The following WWOX variants were observed in gnomAD, a reference collection of about 807,000 sequenced individuals.
The protein encoded by WWOX is WW domain containing oxidoreductase, also known as WW domain-containing oxidoreductase.
A neutral mutation model predicts 46.2 loss-of-function variants in WWOX; 69 were observed. The observed-to-expected ratio is 1.49, with a 90% CI of 1.23 to 1.82. The LOEUF (loss-of-function observed/expected upper bound fraction) is 1.82. WWOX is among the 40% of genes most tolerant of loss of function. The probability of loss-of-function intolerance (pLI) is 0.00; values close to 1 mark genes in which losing one functional copy is unlikely to be tolerated. For missense variants in WWOX, 919 were observed against 542.6 expected (o/e 1.69, Z -6.89); for synonymous variants, 359 against 202.6 (o/e 1.77, Z -6.56).
chr16:78,740,752 T>C (rs1352561704), intron 8 of WWOX, among the ~76,000 whole-genome samples: 1 of 152,124 alleles, frequency 6.6e-6, no homozygotes, highest in Non-Finnish European at 1.5e-5. Flanking sequence ...CAAATGCAGG[T>C]CCACCCTGGT....
At chr16:78,357,602 A>C (rs1015554331) in intron 5 of WWOX, among the ~76,000 whole-genome samples, 13 of 152,194 alleles carry the variant, frequency 8.5e-5, no homozygotes, top group African/African-American at 2.7e-4. Context: ...TTCTATGCTA[A>C]ACATTTCCAT....
intron 8 of WWOX, among the ~76,000 whole-genome samples, chr16:78,578,543 C>T (rs893869171): frequency 2.6e-5 from 4 of 151,728 alleles, no homozygotes; most frequent in Non-Finnish European, 4.4e-5. Context: ...CTGCCTTGGC[C>T]TCCCAAAGTG....
At chr16:78,665,375 T>G (rs1230256510) in intron 8 of WWOX, among the ~76,000 whole-genome samples, 1 of 152,214 alleles carries the variant, frequency 6.6e-6, no homozygotes, top group Non-Finnish European at 1.5e-5. Context: ...AACTATTAAA[T>G]AATTGAATTA....
chr16:78,497,673 C>G (rs755760062), intron 8 of WWOX, among the ~76,000 whole-genome samples: 10 of 152,114 alleles, frequency 6.6e-5, no homozygotes, highest in Non-Finnish European at 1.0e-4. Flanking sequence ...TGAATAAATA[C>G]TTGTTTGATT....
chr16:78,184,097 A>C (rs1171789873), intron 5 of WWOX, among the ~76,000 whole-genome samples: 2 of 152,116 alleles, frequency 1.3e-5, no homozygotes, highest in African/African-American at 2.4e-5. Context: ...CTCGGTGCTC[A>C]CGGTAATGCT....
At chr16:78,963,470 A>G (rs1484480643) in intron 8 of WWOX, among the ~76,000 whole-genome samples, 1 of 152,216 alleles carries the variant, frequency 6.6e-6, no homozygotes, top group African/African-American at 2.4e-5. Flanking sequence ...CCCGTCTCAG[A>G]AACAAAAACA....
At chr16:78,877,298 G>A (rs137876767) in intron 8 of WWOX, among the ~76,000 whole-genome samples, 1,690 of 143,712 alleles carry the variant, frequency 0.012, 23 homozygotes, top group Middle Eastern at 0.027. Context: ...TGACCCGCCT[G>A]CCTCCCCCCT....
At chr16:78,308,646 C>A (rs1490303305) in intron 5 of WWOX, among the ~76,000 whole-genome samples, 1 of 152,156 alleles carries the variant, frequency 6.6e-6, no homozygotes, top group African/African-American at 2.4e-5. Flanking sequence ...CTTTCCAGGT[C>A]TTTTCCTGAT....
chr16:79,069,655 T>A (rs1377491658), intron 8 of WWOX, among the ~76,000 whole-genome samples: 6 of 149,628 alleles, frequency 4.0e-5, no homozygotes, highest in African/African-American at 9.9e-5. Flanking sequence ...TGAAAAAAAA[T>A]AAAGAAAACA....
Position 78,387,993 on chromosome 16 carries a change from A to G in WWOX, c.605+1045A>G, listed in dbSNP as rs781677988. Among the ~76,000 whole-genome samples the G allele has an allele frequency of 8.6e-4, 131 of 152,128 alleles. 1 individual carries two copies. The highest frequency in any genetic ancestry group is 3.4e-3 in the Middle Eastern group (1 of 294). The stretch of plus-strand genomic sequence containing the variant: ...AAGGATGTGAGGGAAGGGATCTTAA[A>G]CCAGATATTCAAATGGCCCTGTGGG... On this transcript the variant is annotated intron_variant, in intron 6 of 8. Transcript: ENST00000566780.
At chr16:79,178,893 C>T (rs1433374527) in intron 8 of WWOX, among the ~76,000 whole-genome samples, 1 of 152,086 alleles carries the variant, frequency 6.6e-6, no homozygotes, top group African/African-American at 2.4e-5. Flanking sequence ...TTCATGGTGG[C>T]ACAGAGAGCT....
At chr16:79,149,726 G>T (rs116696417) in intron 8 of WWOX, among the ~76,000 whole-genome samples, 1,887 of 152,288 alleles carry the variant, frequency 0.012, 41 homozygotes, top group African/African-American at 0.042. Flanking sequence ...CTACATTTAG[G>T]ACCGCAGCCA....
chr16:78,378,121 G>GC (rs1367382647), intron 5 of WWOX, among the ~76,000 whole-genome samples: 1 of 151,024 alleles, frequency 6.6e-6, no homozygotes, highest in African/African-American at 2.4e-5. Context: ...CCCCCGCCCT[G>GC]CCCCCTGCCT....
chr16:78,718,149 T>C (rs1239217127), intron 8 of WWOX, among the ~76,000 whole-genome samples: 3 of 151,628 alleles, frequency 2.0e-5, no homozygotes, highest in African/African-American at 4.9e-5. Context: ...TGCATGTTTA[T>C]AGTATCTCTT....
intron 1 of WWOX, among the ~76,000 whole-genome samples, chr16:78,105,183 C>T (rs1211660961): frequency 3.3e-5 from 5 of 152,100 alleles, no homozygotes; most frequent in Non-Finnish European, 7.4e-5. Context: ...TGATGCAGGC[C>T]GGGTGCAGTG....
intron 8 of WWOX, among the ~76,000 whole-genome samples, chr16:78,578,277 TATATATA>T (rs202074287): frequency 1.3e-4 from 6 of 45,552 alleles, no homozygotes; most frequent in Admixed American, 2.6e-4. Flanking sequence ...TATATATATA[TATATATA>T]TTTTTTTTTT....
At chr16:78,673,934 G>A (rs1182642026) in intron 8 of WWOX, among the ~76,000 whole-genome samples, 1 of 151,978 alleles carries the variant, frequency 6.6e-6, no homozygotes, top group African/African-American at 2.4e-5. Context: ...GAGTTATGAG[G>A]GTGTATTACT....
chr16:78,878,554 C>G (rs755365995), intron 8 of WWOX, among the ~76,000 whole-genome samples: 1 of 152,082 alleles, frequency 6.6e-6, no homozygotes, highest in Non-Finnish European at 1.5e-5. Context: ...TAAATGTTAA[C>G]TATAATTATA....
At chr16:78,679,129 T>A (rs1053254523) in intron 8 of WWOX, among the ~76,000 whole-genome samples, 1 of 152,164 alleles carries the variant, frequency 6.6e-6, no homozygotes, top group East Asian at 1.9e-4. Flanking sequence ...GTCTTGGACC[T>A]AGGGATGGAT....
Sources: gnomAD v4.1 joint callset for allele counts (sites outside exome capture counted in the v4.1 genomes callset) on GRCh38, gnomAD v4.1.1 for gene constraint, MANE v1.5 for transcripts, NCBI Gene and HGNC (gene_info 2026-07-23, HGNC 2026-07-21) for gene names.